RYR2: variants seen among roughly 807,000 people sequenced by gnomAD.
The protein encoded by RYR2 is ryanodine receptor 2.
A neutral mutation model predicts 601.1 loss-of-function variants in RYR2; 227 were observed. The ratio of observed to expected loss-of-function variants is 0.38; its 90% CI spans 0.34 to 0.42. The LOEUF is 0.42. Among genes scored for constraint, RYR2 ranks in the 10% least tolerant of loss-of-function variants. RYR2 has a pLI of 1.00. For synonymous variants in RYR2, 2,223 were observed against 2,175.1 expected, an observed-to-expected ratio of 1.02 and a Z score of -0.61; for missense variants, 4,646 against 6,156.5, an observed-to-expected ratio of 0.75 and a Z score of 8.21.
chr1:237,493,225 A>G (rs548809164), intron 19 of RYR2, 138 bp downstream of exon 19: 1 of 965,188 alleles, frequency 1.0e-6, no homozygotes, highest in East Asian at 2.6e-5. Flanking sequence ...GCAGTGAATA[A>G]TATGTCTTTT....
intron 1 of RYR2, among the ~76,000 whole-genome samples, chr1:237,112,943 G>A (rs566218901): frequency 1.3e-5 from 2 of 151,998 alleles, no homozygotes; most frequent in Admixed American, 6.6e-5. Context: ...GAGCCCTGGC[G>A]TCATATAACT....
At chr1:237,685,441 T>C (rs1686298660) in intron 62 of RYR2, among the ~76,000 whole-genome samples, 1 of 152,192 alleles carries the variant, frequency 6.6e-6, no homozygotes, top group Non-Finnish European at 1.5e-5. Flanking sequence ...AAATGAGACA[T>C]AGAGCAGTCT....
intron 99 of RYR2, among the ~76,000 whole-genome samples, chr1:237,808,654 CAAA>C (rs35162950): frequency 3.4e-4 from 40 of 116,106 alleles, no homozygotes; most frequent in African/African-American, 1.1e-3. Flanking sequence ...AACTCTGTCT[CAAA>C]AAAAAAAAAA....
rs1684759921 is a variant in RYR2 at position 237,669,980 on chromosome 1, G to GC, written c.8590+2023dup. On this transcript the variant is annotated intron_variant, in intron 58 of 104. Coordinates refer to ENST00000366574, the MANE Select transcript of RYR2 (RefSeq NM_001035.3). ...TGTAGCGAGCCGAGATCACGCCACT[G>GC]CACTCCAGCCTGGGCACCATTGAGC... Among the ~76,000 whole-genome samples the GC allele has an allele frequency of 2.0e-5, 3 of 152,238 alleles. No individual in the cohort carries two copies. In the South Asian group the frequency reaches 6.2e-4, roughly 32 times the overall value.
chr1:237,584,811 C>T (rs1437086052), intron 29 of RYR2, among the ~76,000 whole-genome samples: 3 of 151,898 alleles, frequency 2.0e-5, no homozygotes, highest in Admixed American at 1.3e-4. Flanking sequence ...CAGGCACATG[C>T]CACCATGCCC....
At chr1:237,782,178 CTTT>C (rs35521596) in intron 89 of RYR2, among the ~76,000 whole-genome samples, 2,125 of 119,110 alleles carry the variant, frequency 0.018, 55 homozygotes, top group African/African-American at 0.061. Context: ...TTTGTTATTG[CTTT>C]TTTTTTTTTT....
chr1:237,680,439 C>A lies in RYR2; in HGVS notation c.8896-17C>A, dbSNP rs776493420. The A allele has an allele frequency of 4.4e-6, 7 of 1,606,082 alleles. No individual in the cohort carries two copies. The South Asian group carries it at 4.4e-5, about 10-fold the overall frequency. ...AGATTCCACTACGTAGATCTGTCTT[C>A]TTTTCCTTTCTTTCAGGTCGTTCTT... On this transcript the variant is annotated splice_polypyrimidine_tract_variant and intron_variant, in intron 61 of 104. Transcript: ENST00000366574.
chr1:237,527,312 G>A (rs1448701335), intron 24 of RYR2, among the ~76,000 whole-genome samples: 3 of 152,114 alleles, frequency 2.0e-5, no homozygotes, highest in Non-Finnish European at 1.5e-5. Context: ...TCAAAGTGTA[G>A]CAATTTAAAT....
At chr1:237,075,611 G>T (rs1664939942) in intron 1 of RYR2, among the ~76,000 whole-genome samples, 1 of 41,534 alleles carries the variant, frequency 2.4e-5, no homozygotes, top group Non-Finnish European at 5.4e-5. Flanking sequence ...CCCACACCTG[G>T]CTCAGAGGGT....
chr1:237,410,013 C>G (rs1235371879), intron 10 of RYR2, among the ~76,000 whole-genome samples: 1 of 152,086 alleles, frequency 6.6e-6, no homozygotes, highest in Non-Finnish European at 1.5e-5. Context: ...GTTATGTATT[C>G]AGAAAATAGG....
At chr1:237,513,098 A>G (rs905773982) in intron 24 of RYR2, among the ~76,000 whole-genome samples, 2 of 152,194 alleles carry the variant, frequency 1.3e-5, no homozygotes, top group Non-Finnish European at 2.9e-5. Context: ...AGTATTTTAT[A>G]TCACCCAGTA....
At chr1:237,070,995 G>A (rs1664246597) in intron 1 of RYR2, among the ~76,000 whole-genome samples, 1 of 152,218 alleles carries the variant, frequency 6.6e-6, no homozygotes, top group Admixed American at 6.5e-5. Context: ...TGAGTGGGGG[G>A]CATGTTTCCA....
intron 1 of RYR2, among the ~76,000 whole-genome samples, chr1:237,060,647 T>A (rs547968259): frequency 6.6e-6 from 1 of 152,342 alleles, no homozygotes; most frequent in East Asian, 1.9e-4. Flanking sequence ...TTTTCCACTT[T>A]GTGCAAATGG....
intron 10 of RYR2, among the ~76,000 whole-genome samples, chr1:237,406,535 T>C (rs1326284280): frequency 6.6e-6 from 1 of 151,942 alleles, no homozygotes; most frequent in Non-Finnish European, 1.5e-5. Flanking sequence ...TAGCTCTCCA[T>C]CCTTCTCTTT....
chr1:237,385,251 GC>G (rs942451157), intron 8 of RYR2, among the ~76,000 whole-genome samples: 2 of 151,976 alleles, frequency 1.3e-5, no homozygotes, highest in Admixed American at 6.6e-5. Flanking sequence ...ATCACATGTA[GC>G]CCATAAATAT....
At chr1:237,177,117 G>A (rs1021968370) in intron 1 of RYR2, among the ~76,000 whole-genome samples, 1 of 152,114 alleles carries the variant, frequency 6.6e-6, no homozygotes, top group Non-Finnish European at 1.5e-5. Flanking sequence ...GCCTGGCTAT[G>A]GTCACTGTTA....
At chr1:237,135,601 C>T (rs1227173738) in intron 1 of RYR2, among the ~76,000 whole-genome samples, 1 of 150,520 alleles carries the variant, frequency 6.6e-6, no homozygotes, top group Non-Finnish European at 1.5e-5. Context: ...TGGTCTCGAT[C>T]TCCTGAACTT....
chr1:237,714,834 C>CA (rs1006572625), intron 71 of RYR2, among the ~76,000 whole-genome samples: 40 of 146,484 alleles, frequency 2.7e-4, no homozygotes, highest in South Asian at 6.5e-4. Context: ...ACTAAAAATA[C>CA]AAAAAAAAAA....
At chr1:237,739,888 T>C (rs1460495240) in intron 79 of RYR2, among the ~76,000 whole-genome samples, 1 of 152,246 alleles carries the variant, frequency 6.6e-6, no homozygotes. Context: ...TACTGTGTTA[T>C]GTATTCGTGC....
Sources: allele counts gnomAD v4.1 joint callset (sites outside exome capture counted in the v4.1 genomes callset), GRCh38; gene constraint gnomAD v4.1.1; transcripts MANE v1.5; gene names NCBI Gene and HGNC (gene_info 2026-07-23, HGNC 2026-07-21).